NLGN1: variants seen among roughly 807,000 people sequenced by gnomAD.
NLGN1 encodes neuroligin 1, also known as neuroligin-1.
NLGN1 carries 12 observed loss-of-function variants against 65.5 expected under a neutral mutation model. That is an observed-to-expected ratio of 0.18 (90% CI 0.12 to 0.30). The LOEUF is 0.30. NLGN1 is among the 10% of genes least tolerant of loss of function. The probability of loss-of-function intolerance (pLI) is 1.00; values close to 1 mark genes in which losing one functional copy is unlikely to be tolerated. For synonymous variants in NLGN1, 350 were observed against 359.5 expected (o/e 0.97, Z 0.30); for missense variants, 750 against 1,007.1 (o/e 0.74, Z 3.46).
chr3:173,834,350 C>A (rs1214427556), intron 4 of NLGN1, among the ~76,000 whole-genome samples: 2 of 151,978 alleles, frequency 1.3e-5, no homozygotes, highest in Non-Finnish European at 2.9e-5. Context: ...ATCTTTTTCA[C>A]GTTGTATTTT....
At chr3:173,682,386 G>A (rs879332846) in intron 3 of NLGN1, among the ~76,000 whole-genome samples, 1 of 151,790 alleles carries the variant, frequency 6.6e-6, no homozygotes, top group Non-Finnish European at 1.5e-5. Flanking sequence ...TCAAGAGATC[G>A]AGACCATCCT....
intron 4 of NLGN1, among the ~76,000 whole-genome samples, chr3:174,236,747 C>T (rs1741789199): frequency 6.6e-6 from 1 of 152,054 alleles, no homozygotes; most frequent in Non-Finnish European, 1.5e-5. Context: ...GAATTTATAA[C>T]AGTTACATTT....
At chr3:173,685,292 A>C (rs531558561) in intron 3 of NLGN1, among the ~76,000 whole-genome samples, 10 of 152,216 alleles carry the variant, frequency 6.6e-5, no homozygotes, top group Non-Finnish European at 1.5e-4. Flanking sequence ...TGGACAAGAA[A>C]AGAACAGATT....
intron 4 of NLGN1, among the ~76,000 whole-genome samples, chr3:174,197,641 T>C (rs1403641714): frequency 6.6e-6 from 1 of 150,680 alleles, no homozygotes; most frequent in East Asian, 2.0e-4. Context: ...ATGAGGACAA[T>C]ACTTTTCTAA....
At chr3:174,042,230 GTAT>G (rs1732492702) in intron 4 of NLGN1, among the ~76,000 whole-genome samples, 1 of 152,022 alleles carries the variant, frequency 6.6e-6, no homozygotes, top group African/African-American at 2.4e-5. Flanking sequence ...TAATTTTGAT[GTAT>G]TATTTTTTTT....
chr3:173,559,458 C>T (rs1742293658), intron 2 of NLGN1, among the ~76,000 whole-genome samples: 1 of 152,168 alleles, frequency 6.6e-6, no homozygotes, highest in African/African-American at 2.4e-5. Flanking sequence ...CATGGCTCAC[C>T]TATTGAATGC....
chr3:174,165,309 C>G (rs927958149), intron 4 of NLGN1, among the ~76,000 whole-genome samples: 1 of 151,956 alleles, frequency 6.6e-6, no homozygotes, highest in African/African-American at 2.4e-5. Context: ...AGTTTTTTGC[C>G]CATTCAGTAT....
chr3:174,218,282 T>C (rs1190895401), intron 4 of NLGN1, among the ~76,000 whole-genome samples: 1 of 152,064 alleles, frequency 6.6e-6, no homozygotes, highest in African/African-American at 2.4e-5. Flanking sequence ...GTAGGGAGGA[T>C]TTAAGGCAGA....
chr3:173,591,941 C>A lies in NLGN1; in HGVS notation c.-320-12338C>A, dbSNP rs73880510. On this transcript the variant is annotated intron_variant, in intron 2 of 6. Coordinates refer to ENST00000457714, the Ensembl canonical transcript of NLGN1. ...TCAACTTAATATCAAGGGAAGTAAT[C>A]AGCTCTACCAGGCTGTCTCTTCTGA... 6.2e-3 allele frequency among the ~76,000 whole-genome samples: 931 copies of A among 151,174 alleles called. 9 individuals carry two copies. The highest frequency in any genetic ancestry group is 0.021 in the African/African-American group (878 of 40,856).
chr3:174,108,582 G>A (rs1714502399), intron 4 of NLGN1, among the ~76,000 whole-genome samples: 1 of 152,058 alleles, frequency 6.6e-6, no homozygotes, highest in African/African-American at 2.4e-5. Context: ...ATAGAACTGA[G>A]CTCAATTCTG....
chr3:174,222,507 T>C (rs1738851947), intron 4 of NLGN1, among the ~76,000 whole-genome samples: 1 of 152,212 alleles, frequency 6.6e-6, no homozygotes, highest in African/African-American at 2.4e-5. Context: ...GGGTGTTGTA[T>C]ATTTCTTACA....
At chr3:173,491,472 T>A (rs1729152705) in intron 2 of NLGN1, among the ~76,000 whole-genome samples, 1 of 151,866 alleles carries the variant, frequency 6.6e-6, no homozygotes, top group African/African-American at 2.4e-5. Context: ...ATAAGCTTTT[T>A]GATGTGCTGC....
rs114328871 is a variant in NLGN1, at chr3:173,834,109, C to T, written c.646+26277C>T. On this transcript the variant is annotated intron_variant, in intron 4 of 6. Coordinates refer to ENST00000457714, the Ensembl canonical transcript of NLGN1. ...CCATGTTTTTCTTAATTGGTAGGCC[C>T]AATGTCATTCATTAATCCATCTATT... Among the ~76,000 whole-genome samples, 949 of 152,156 alleles carry T rather than the reference C, an allele frequency of 6.2e-3. 14 individuals carry two copies. The highest frequency in any genetic ancestry group is 0.022 in the African/African-American group (898 of 41,522).
intron 4 of NLGN1, among the ~76,000 whole-genome samples, chr3:174,070,815 G>A (rs1739675583): frequency 6.6e-6 from 1 of 152,100 alleles, no homozygotes; most frequent in South Asian, 2.1e-4. Flanking sequence ...AACACTTTGG[G>A]AGGCCAAGGT....
intron 3 of NLGN1, among the ~76,000 whole-genome samples, chr3:173,694,385 A>G (rs79565234): frequency 0.028 from 4,325 of 152,260 alleles, 91 homozygotes; most frequent in Middle Eastern, 0.048. Flanking sequence ...AAGCTTGTGA[A>G]CAATGATAAA....
chr3:173,752,262 C>T (rs1776408533), intron 3 of NLGN1, among the ~76,000 whole-genome samples: 3 of 152,060 alleles, frequency 2.0e-5, no homozygotes, highest in African/African-American at 4.8e-5. Context: ...TTACAATATG[C>T]AGAATGTACC....
At chr3:173,927,584 G>A (rs1743245147) in intron 4 of NLGN1, among the ~76,000 whole-genome samples, 2 of 152,074 alleles carry the variant, frequency 1.3e-5, no homozygotes, top group South Asian at 4.2e-4. Context: ...TTTCCAAAGT[G>A]TAAGAGGAAG....
chr3:173,937,056 A>G lies in NLGN1; in HGVS notation c.646+129224A>G, dbSNP rs138117068. ...ATTAACTAAAATGTCAAATTATGGA[A>G]CTAATAACTTTCCTTCTTCCATCCC... On this transcript the variant is annotated intron_variant, in intron 4 of 6. Transcript: ENST00000457714. Among the ~76,000 whole-genome samples the G allele has an allele frequency of 3.3e-3, 497 of 152,120 alleles. 3 individuals carry two copies. The highest frequency in any genetic ancestry group is 0.011 in the African/African-American group (467 of 41,552).
chr3:173,716,801 C>G (rs1364221129), intron 3 of NLGN1, among the ~76,000 whole-genome samples: 3 of 152,008 alleles, frequency 2.0e-5, no homozygotes, highest in Non-Finnish European at 4.4e-5. Context: ...TTTTTCCCTT[C>G]TTGATATTCA....
Sources: allele counts gnomAD v4.1 joint callset (sites outside exome capture counted in the v4.1 genomes callset), GRCh38; gene constraint gnomAD v4.1.1; transcripts MANE v1.5; gene names NCBI Gene and HGNC (gene_info 2026-07-23, HGNC 2026-07-21).